Variants in CCDC178 observed in about 807,000 individuals in gnomAD.
CCDC178 encodes the protein coiled-coil domain containing 178.
In CCDC178, 126 loss-of-function variants were observed where a neutral mutation model predicts 117.4. The ratio of observed to expected loss-of-function variants is 1.07; its 90% CI spans 0.93 to 1.24. The LOEUF is 1.24. Ranked by LOEUF, CCDC178 falls within the 50% of genes most tolerant of loss-of-function variation. The pLI is 0.00. For synonymous variants in CCDC178, 283 were observed against 313.4 expected, an observed-to-expected ratio of 0.90 and a Z score of 1.02; for missense variants, 1,030 against 986.9, an observed-to-expected ratio of 1.04 and a Z score of -0.59.
chr18:33,389,710 A>G (rs1213419708), intron 4 of CCDC178, 81 bp from the exon 5 acceptor site: 3 of 573,968 alleles, frequency 5.2e-6, no homozygotes, highest in Non-Finnish European at 8.5e-6. Flanking sequence ...CATGTAAAAA[A>G]CTACGTTAGA....
chr18:33,369,901 T>C (rs2063272727), intron 6 of CCDC178, 149 bp downstream of exon 6: 11 of 588,178 alleles, frequency 1.9e-5, no homozygotes, highest in Non-Finnish European at 2.8e-5. Context: ...ATGTCTAGAC[T>C]AGTAAATGAT....
chr18:33,266,954 C>A lies in CCDC178; in HGVS notation c.1371G>T (p.Glu457Asp). The change falls in exon 14 of 23, where the codon GAG becomes GAT. Residue 457 changes from glutamate to aspartate, a missense_variant. Coordinates refer to ENST00000383096, the MANE Select transcript of CCDC178 (RefSeq NM_001105528.4). The stretch of plus-strand genomic sequence containing the variant: ...TTACTGTTATTTTGTTAATATCAAT[C>A]TCAAGTTTTTTATTGTCTTCCGTCA... ...TKLTEDNKKLEIDINKITVKT... is the reference protein window; with the variant it reads ...TKLTEDNKKLDIDINKITVKT... The A allele has an allele frequency of 6.3e-7, 1 of 1,587,970 alleles. No individual in the cohort carries two copies. Among genetic ancestry groups the A allele is most frequent in the South Asian group, 1.2e-5 (1 of 85,688 alleles).
At chr18:32,953,065 C>G (rs1380876927) in intron 22 of CCDC178, among the ~76,000 whole-genome samples, 3 of 152,124 alleles carry the variant, frequency 2.0e-5, no homozygotes, top group African/African-American at 7.2e-5. Context: ...ATCCACCATG[C>G]CTGGCCAATT....
chr18:33,232,001 T>A (rs1321281810), intron 15 of CCDC178, among the ~76,000 whole-genome samples: 1 of 152,166 alleles, frequency 6.6e-6, no homozygotes, highest in East Asian at 1.9e-4. Flanking sequence ...AAGGGCCAGA[T>A]AGTAAATATT....
intron 21 of CCDC178, among the ~76,000 whole-genome samples, chr18:33,012,828 A>T (rs1312720531): frequency 6.6e-6 from 1 of 152,202 alleles, no homozygotes; most frequent in African/African-American, 2.4e-5. Context: ...GCAAATAGGA[A>T]TAAAAAATGA....
intron 2 of CCDC178, among the ~76,000 whole-genome samples, chr18:33,420,044 G>A (rs572739381): frequency 1.3e-5 from 2 of 151,876 alleles, no homozygotes; most frequent in South Asian, 4.2e-4. Context: ...GAATCATCCC[G>A]AATGCCCATC....
At chr18:33,024,014 A>C (rs1430226675) in intron 21 of CCDC178, among the ~76,000 whole-genome samples, 4 of 152,330 alleles carry the variant, frequency 2.6e-5, no homozygotes, top group South Asian at 2.1e-4. Flanking sequence ...ACCGTTCCTC[A>C]AAAAGCATGA....
At chr18:33,142,626 G>C (rs2058220600) in intron 20 of CCDC178, among the ~76,000 whole-genome samples, 1 of 152,126 alleles carries the variant, frequency 6.6e-6, no homozygotes, top group African/African-American at 2.4e-5. Context: ...GAAATAATTT[G>C]ATAACAGAAA....
intron 20 of CCDC178, among the ~76,000 whole-genome samples, chr18:33,102,497 C>A (rs1204688470): frequency 6.6e-6 from 1 of 150,806 alleles, no homozygotes; most frequent in Non-Finnish European, 1.5e-5. Context: ...AGGGCTATTG[C>A]CACAGATGTG....
At chr18:33,289,162 G>T (rs1184138106) in intron 12 of CCDC178, among the ~76,000 whole-genome samples, 1 of 152,060 alleles carries the variant, frequency 6.6e-6, no homozygotes, top group Non-Finnish European at 1.5e-5. Flanking sequence ...TCTTGCCTAT[G>T]TAGCAGTGTA....
chr18:33,372,156 T>C (rs532717666), intron 5 of CCDC178, among the ~76,000 whole-genome samples: 1 of 152,206 alleles, frequency 6.6e-6, no homozygotes, highest in African/African-American at 2.4e-5. Context: ...ACTATGAACT[T>C]AAATTTGCAC....
At chr18:33,391,120 TATAAA>T (rs1379395544) in intron 4 of CCDC178, among the ~76,000 whole-genome samples, 3 of 150,972 alleles carry the variant, frequency 2.0e-5, no homozygotes, top group Non-Finnish European at 4.4e-5. Flanking sequence ...AAGAACCAAA[TATAAA>T]ATAATACAGA....
At chr18:33,399,105 C>T (rs2063677026) in intron 3 of CCDC178, among the ~76,000 whole-genome samples, 1 of 151,206 alleles carries the variant, frequency 6.6e-6, no homozygotes, top group African/African-American at 2.4e-5. Context: ...GAGGCTGAGA[C>T]AAGACAATTG....
intron 20 of CCDC178, among the ~76,000 whole-genome samples, chr18:33,203,328 T>C (rs1400831410): frequency 6.6e-6 from 1 of 152,170 alleles, no homozygotes; most frequent in Non-Finnish European, 1.5e-5. Context: ...CCTTTTAACT[T>C]TGTTTTTAAG....
At chr18:33,190,020 C>T (rs896173769) in intron 20 of CCDC178, among the ~76,000 whole-genome samples, 1 of 147,792 alleles carries the variant, frequency 6.8e-6, no homozygotes, top group African/African-American at 2.6e-5. Context: ...ATTGACACTG[C>T]TAAAAGAAGC....
intron 20 of CCDC178, among the ~76,000 whole-genome samples, chr18:33,113,775 G>A (rs2057815336): frequency 6.6e-6 from 1 of 151,984 alleles, no homozygotes; most frequent in Non-Finnish European, 1.5e-5. Flanking sequence ...CTGCATGCAA[G>A]GGACACTACT....
chr18:32,955,648 C>T (rs1200234249), intron 22 of CCDC178, among the ~76,000 whole-genome samples: 3 of 152,120 alleles, frequency 2.0e-5, no homozygotes, highest in Non-Finnish European at 4.4e-5. Context: ...CACACATACA[C>T]TCCCAGATCT....
chr18:33,380,487 C>G (rs2063426924), intron 5 of CCDC178, among the ~76,000 whole-genome samples: 1 of 152,152 alleles, frequency 6.6e-6, no homozygotes, highest in Admixed American at 6.6e-5. Flanking sequence ...CAGTGTCTTT[C>G]CCTCACAGTG....
chr18:33,384,299 C>T (rs1353933465), intron 5 of CCDC178, among the ~76,000 whole-genome samples: 2 of 152,018 alleles, frequency 1.3e-5, no homozygotes, highest in Non-Finnish European at 2.9e-5. Flanking sequence ...TTCAGGACAC[C>T]ATCCAGGAGA....
Sources: gnomAD v4.1 joint callset for allele counts (sites outside exome capture counted in the v4.1 genomes callset) on GRCh38, gnomAD v4.1.1 for gene constraint, MANE v1.5 for transcripts, NCBI Gene and HGNC (gene_info 2026-07-23, HGNC 2026-07-21) for gene names.